The following RPUSD3 variants were observed in gnomAD, a reference collection of about 807,000 sequenced individuals.
The protein encoded by RPUSD3 is mitochondrial mRNA pseudouridine synthase RPUSD3.
A neutral mutation model predicts 35.1 loss-of-function variants in RPUSD3; 36 were observed. That is an observed-to-expected ratio of 1.02 (90% CI 0.79 to 1.35). The LOEUF is 1.35. RPUSD3 is among the 40% of genes most tolerant of loss of function. The probability of loss-of-function intolerance (pLI) is 0.00; values close to 1 mark genes in which losing one functional copy is unlikely to be tolerated. For synonymous variants in RPUSD3, 202 were observed against 187.8 expected (o/e 1.08, Z -0.62); for missense variants, 486 against 441.9 (o/e 1.10, Z -0.89).
At chr3:9,842,725 T>C (rs1198545836) in intron 2 of RPUSD3, 3 of 166,388 alleles carry the variant, frequency 1.8e-5, no homozygotes, top group Non-Finnish European at 2.6e-5. Flanking sequence ...GCCTGGAACA[T>C]AGCATATGTT....
exon 9 of RPUSD3, chr3:9,837,862 T>G: frequency 1.4e-6 from 1 of 738,560 alleles, no homozygotes; most frequent in East Asian, 2.8e-5. Context: ...GGTAGGAACT[T>G]TTATTATCAC....
At chr3:9,838,671 C>G (rs2125022262) in intron 8 of RPUSD3, among the ~76,000 whole-genome samples, 1 of 152,288 alleles carries the variant, frequency 6.6e-6, no homozygotes, top group Non-Finnish European at 1.5e-5. Context: ...GGGCACAGTT[C>G]TTGTGTGAAG....
intron 8 of RPUSD3, 180 bp downstream of exon 8, chr3:9,838,852 A>T (rs2082061511): frequency 1.4e-6 from 1 of 694,280 alleles, no homozygotes; most frequent in African/African-American, 1.8e-5. Flanking sequence ...ATGAAGCCCA[A>T]GAGAGTGAGT....
In RPUSD3 at chr3:9,840,174, C is replaced by G; in HGVS notation, c.724+10G>C. 6.2e-7 allele frequency: 1 copy of G among 1,610,470 alleles called. No homozygotes were observed. Among genetic ancestry groups the G allele is most frequent in the East Asian group, 2.2e-5 (1 of 44,820 alleles). The stretch of plus-strand genomic sequence containing the variant: ...GCAGTTTTAAAGGCTGGCTAGGGTG[C>G]CAGACCTACCTGTCAGTGGCTGCAG... On this transcript the variant is annotated intron_variant, in intron 7 of 8. Transcript: ENST00000383820.
chr3:9,842,451 A>G, intron 2 of RPUSD3: 3 of 610,578 alleles, frequency 4.9e-6, no homozygotes, highest in South Asian at 3.7e-5. Context: ...CTGTCCCCAA[A>G]TTTCCCAGGT....
intron 4 of RPUSD3, 28 bp from the exon 5 acceptor site, chr3:9,840,833 T>C (rs376794145): frequency 1.1e-5 from 17 of 1,578,040 alleles, no homozygotes; most frequent in Non-Finnish European, 1.5e-5. Flanking sequence ...ATCACACAAG[T>C]TAAAGTCCCT....
At chr3:9,837,862 T>A in exon 9 of RPUSD3, 1 of 738,560 alleles carries the variant, frequency 1.4e-6, no homozygotes, top group Non-Finnish European at 2.1e-6. Context: ...GGTAGGAACT[T>A]TTATTATCAC....
chr3:9,843,543 A>G, exon 2 of RPUSD3: 2 of 1,613,848 alleles, frequency 1.2e-6, no homozygotes, highest in African/African-American at 2.7e-5. Context: ...AGCCCCGCGA[A>G]GGGCTGGTCC....
intron 1 of RPUSD3, 133 bp from the exon 2 acceptor site, chr3:9,843,734 T>C (rs1397805365): frequency 1.3e-6 from 2 of 1,542,616 alleles, no homozygotes; most frequent in Non-Finnish European, 8.8e-7. Flanking sequence ...CCTCGAAAAT[T>C]CAGGTACGAC....
intron 2 of RPUSD3, chr3:9,842,530 C>A: frequency 1.9e-6 from 1 of 513,014 alleles, no homozygotes; most frequent in Non-Finnish European, 3.5e-6. Context: ...CTAATGTCTG[C>A]CTTCCTCCTG....
At chr3:9,840,659 AC>A in intron 5 of RPUSD3, 38 bp downstream of exon 5, 1 of 1,599,366 alleles carries the variant, frequency 6.3e-7, no homozygotes, top group Non-Finnish European at 8.5e-7. Context: ...GCTTGCTGGG[AC>A]CTCCCCACCA....
intron 4 of RPUSD3, chr3:9,841,660 ATGGGGTCTATTTTGCCCAGGC>A (rs2082105645): frequency 5.0e-6 from 1 of 200,280 alleles, no homozygotes; most frequent in South Asian, 1.2e-4. Context: ...TTTTCCAGAG[ATGGGGTCTATTTTGCCCAGGC>A]TGGTCTCGAA....
chr3:9,842,620 C>T (rs1559236694), intron 2 of RPUSD3: 1 of 286,938 alleles, frequency 3.5e-6, no homozygotes, highest in Admixed American at 4.6e-5. Context: ...TATTTTCTGA[C>T]ATCCATTTCT....
In RPUSD3 at chr3:9,841,847, T is replaced by A. The variant is rs555429214; in HGVS notation, c.407+136A>T. 46 of 741,298 alleles carry A rather than the reference T, an allele frequency of 6.2e-5. 1 individual carries two copies. In the South Asian group the frequency reaches 7.3e-4, roughly 12 times the overall value. 45.9% of individuals were successfully genotyped at this position (741,298 alleles called of 1,614,324 possible). A position where few individuals can be genotyped will look rare whatever the true frequency, so the allele number is the denominator to read the frequency against. ...GAACCCAGAGCCATCGGCTTCCTCTTCTTCACAGTACTTGTATCCACCTCT... is the reference window on the plus strand; with the variant it reads ...GAACCCAGAGCCATCGGCTTCCTCTACTTCACAGTACTTGTATCCACCTCT... On this transcript the variant is annotated intron_variant, in intron 4 of 8. Coordinates refer to ENST00000383820, the Ensembl canonical transcript of RPUSD3.
exon 7 of RPUSD3, chr3:9,840,259 T>G (rs753793263): frequency 1.2e-6 from 2 of 1,614,072 alleles, no homozygotes; most frequent in African/African-American, 1.3e-5. Context: ...AGAGTCTTCT[T>G]GACACCTTCC....
At chr3:9,838,280 T>C in intron 8 of RPUSD3, 73 bp from the exon 9 acceptor site, 1 of 1,502,962 alleles carries the variant, frequency 6.7e-7, no homozygotes, top group Non-Finnish European at 9.1e-7. Context: ...CTAAGGGAAA[T>C]GGGAGTAAGG....
In RPUSD3 at chr3:9,840,160, G is replaced by C. The variant is rs375440490; in HGVS notation, c.724+24C>G. 63 of 1,603,176 alleles carry C rather than the reference G, an allele frequency of 3.9e-5. No individual in the cohort carries two copies. The Middle Eastern group carries it at 6.2e-4, about 16-fold the overall frequency. On this transcript the variant is annotated intron_variant, in intron 7 of 8. Transcript: ENST00000383820. ...CTCCCAAATCAAGTGCAGTTTTAAA[G>C]GCTGGCTAGGGTGCCAGACCTACCT...
At chr3:9,839,603 C>T (rs114290121) in intron 7 of RPUSD3, 3,099 of 154,170 alleles carry the variant, frequency 0.02, 91 homozygotes, top group African/African-American at 0.07. Context: ...TTTTAGCCAG[C>T]GTTTCACTCT....
chr3:9,843,217 C>T (rs1396930354), intron 2 of RPUSD3: 1 of 567,062 alleles, frequency 1.8e-6, no homozygotes, highest in South Asian at 2.3e-5. Flanking sequence ...TAGCAACTCC[C>T]GTAACTGAGC....
Sources: gnomAD v4.1 joint callset for allele counts (sites outside exome capture counted in the v4.1 genomes callset) on GRCh38, gnomAD v4.1.1 for gene constraint, MANE v1.5 for transcripts, NCBI Gene and HGNC (gene_info 2026-07-23, HGNC 2026-07-21) for gene names.